The following NAV3 variants were observed in gnomAD, a reference collection of about 807,000 sequenced individuals.
The protein encoded by NAV3 is neuron navigator 3, also known as pore membrane and/or filament interacting like protein 1.
NAV3 carries 87 observed loss-of-function variants against 244.7 expected under a neutral mutation model. The ratio of observed to expected loss-of-function variants is 0.36; its 90% confidence interval spans 0.30 to 0.42. The LOEUF is 0.42. Ranked by LOEUF, NAV3 falls within the 20% of genes least tolerant of loss-of-function variation. NAV3 has a pLI of 1.00. For synonymous variants in NAV3, 1,126 were observed against 1,042.2 expected (o/e 1.08, Z -1.55); for missense variants, 2,663 against 2,893.3 (o/e 0.92, Z 1.83).
intron 2 of NAV3, among the ~76,000 whole-genome samples, chr12:77,617,283 C>T (rs1871179251): frequency 6.6e-6 from 1 of 152,180 alleles, no homozygotes; most frequent in Admixed American, 6.5e-5. Context: ...GTGTTCTTGC[C>T]TTTGACATGC....
intron 2 of NAV3, among the ~76,000 whole-genome samples, chr12:77,726,542 G>T (rs11106446): frequency 2.0e-5 from 3 of 151,710 alleles, no homozygotes; most frequent in Non-Finnish European, 4.4e-5. Flanking sequence ...GCATGACAGT[G>T]GAGACAGGGT....
intron 5 of NAV3, among the ~76,000 whole-genome samples, chr12:77,979,970 G>T (rs1464054334): frequency 6.6e-6 from 1 of 152,094 alleles, no homozygotes; most frequent in South Asian, 2.1e-4. Context: ...AAAATTAGGG[G>T]TTTATATGGC....
intron 12 of NAV3, among the ~76,000 whole-genome samples, chr12:78,085,149 C>T (rs964953767): frequency 2.6e-5 from 4 of 152,068 alleles, no homozygotes; most frequent in African/African-American, 9.7e-5. Flanking sequence ...TGAGAGTAAA[C>T]AAAACCTGTA....
chr12:78,188,166 A>G, intron 31 of NAV3, 82 bp from the exon 32 acceptor site: 1 of 1,054,392 alleles, frequency 9.5e-7, no homozygotes, highest in Non-Finnish European at 1.4e-6. Flanking sequence ...CAACAACTAC[A>G]TTAACTAATT....
intron 1 of NAV3, among the ~76,000 whole-genome samples, chr12:77,930,011 T>C (rs954043694): frequency 1.3e-5 from 2 of 152,050 alleles, no homozygotes; most frequent in African/African-American, 4.8e-5. Flanking sequence ...TAAAATAACA[T>C]GTAAAGTTCT....
intron 1 of NAV3, among the ~76,000 whole-genome samples, chr12:77,855,970 T>TA (rs1565860779): frequency 6.6e-6 from 1 of 152,256 alleles, no homozygotes; most frequent in African/African-American, 2.4e-5. Flanking sequence ...TGCTAACTGA[T>TA]ACAGATTCGT....
At chr12:78,154,313 G>GTATATATTAATATATAATATATAA (rs1555183047) in intron 22 of NAV3, among the ~76,000 whole-genome samples, 2 of 130,480 alleles carry the variant, frequency 1.5e-5, no homozygotes. Flanking sequence ...ATAATATATA[G>GTATATATTAATATATAATATATAA]TATATATATA....
At chr12:77,758,175 T>A (rs1869278524) in intron 2 of NAV3, among the ~76,000 whole-genome samples, 1 of 152,348 alleles carries the variant, frequency 6.6e-6, no homozygotes, top group East Asian at 1.9e-4. Flanking sequence ...GTGACCATTC[T>A]ACTTAAGATA....
At chr12:77,738,251 A>G (rs1407447034) in intron 2 of NAV3, among the ~76,000 whole-genome samples, 1 of 152,156 alleles carries the variant, frequency 6.6e-6, no homozygotes, top group African/African-American at 2.4e-5. Flanking sequence ...TTTACTTCAC[A>G]AATTTAATTA....
chr12:78,070,756 T>C (rs1325731269), intron 12 of NAV3, among the ~76,000 whole-genome samples: 1 of 141,368 alleles, frequency 7.1e-6, no homozygotes, highest in Non-Finnish European at 1.5e-5. Context: ...CCTGTGTCCA[T>C]GTGATCTCAC....
At chr12:78,048,157 C>T (rs1023860980) in intron 9 of NAV3, among the ~76,000 whole-genome samples, 9 of 152,128 alleles carry the variant, frequency 5.9e-5, no homozygotes, top group Non-Finnish European at 2.9e-5. Context: ...TGGGTTAGAA[C>T]GTTCTCCTTT....
intron 18 of NAV3, among the ~76,000 whole-genome samples, chr12:78,130,022 A>C (rs367722290): frequency 6.6e-6 from 1 of 152,174 alleles, no homozygotes; most frequent in East Asian, 1.9e-4. Context: ...ATAATTTCAA[A>C]TAACAGAACT....
intron 7 of NAV3, among the ~76,000 whole-genome samples, chr12:78,000,122 T>C (rs1169650943): frequency 1.3e-5 from 2 of 152,208 alleles, no homozygotes; most frequent in African/African-American, 4.8e-5. Context: ...AAAATTCTGA[T>C]GATATACAAG....
chr12:77,979,922 G>A (rs1212438755), intron 5 of NAV3, among the ~76,000 whole-genome samples: 1 of 152,080 alleles, frequency 6.6e-6, no homozygotes, highest in East Asian at 1.9e-4. Context: ...ACTGGGTGCT[G>A]CAGCTGAGGA....
At chr12:78,169,007 A>G in intron 24 of NAV3, 141 bp downstream of exon 24, 3 of 536,450 alleles carry the variant, frequency 5.6e-6, no homozygotes, top group Non-Finnish European at 9.9e-6. Flanking sequence ...ATTAATACAT[A>G]CTAGTAGTAT....
chr12:77,978,712 T>C (rs1868963158), intron 5 of NAV3, among the ~76,000 whole-genome samples: 1 of 151,924 alleles, frequency 6.6e-6, no homozygotes, highest in African/African-American at 2.4e-5. Context: ...ATTTATAATT[T>C]TGAATAAATT....
At chr12:78,079,821 G>A (rs1327674297) in intron 12 of NAV3, among the ~76,000 whole-genome samples, 1 of 152,144 alleles carries the variant, frequency 6.6e-6, no homozygotes, top group Non-Finnish European at 1.5e-5. Flanking sequence ...TTCTATGCAT[G>A]ATAAATAATG....
intron 39 of NAV3, among the ~76,000 whole-genome samples, chr12:78,205,594 G>A (rs1960215352): frequency 6.6e-6 from 1 of 151,866 alleles, no homozygotes; most frequent in African/African-American, 2.4e-5. Flanking sequence ...GCCTACTGTA[G>A]CAAAGGATAA....
intron 3 of NAV3, among the ~76,000 whole-genome samples, chr12:77,960,300 A>C (rs1049184081): frequency 2.0e-5 from 3 of 151,984 alleles, no homozygotes; most frequent in Non-Finnish European, 4.4e-5. Flanking sequence ...GCATGAAAAC[A>C]CTATTTTATT....
Sources: allele counts gnomAD v4.1 joint callset (sites outside exome capture counted in the v4.1 genomes callset), GRCh38; gene constraint gnomAD v4.1.1; transcripts MANE v1.5; gene names NCBI Gene and HGNC (gene_info 2026-07-23, HGNC 2026-07-21).